The following DOCK7 variants were observed in gnomAD, a reference collection of about 807,000 sequenced individuals.
DOCK7 encodes dedicator of cytokinesis 7, also known as dedicator of cytokinesis protein 7.
DOCK7 carries 138 observed loss-of-function variants against 271.0 expected under a neutral mutation model. The ratio of observed to expected loss-of-function variants is 0.51; its 90% CI spans 0.44 to 0.59. The LOEUF is 0.59. Ranked by LOEUF, DOCK7 falls within the 20% of genes least tolerant of loss-of-function variation. The pLI is 0.00. For missense variants in DOCK7, 2,066 were observed against 2,592.4 expected (o/e 0.80, Z 4.41); for synonymous variants, 823 against 876.1 (o/e 0.94, Z 1.07).
intron 14 of DOCK7, among the ~76,000 whole-genome samples, chr1:62,588,548 T>C (rs1245848623): frequency 6.6e-6 from 1 of 152,194 alleles, no homozygotes; most frequent in African/African-American, 2.4e-5. Flanking sequence ...TCATTTGAGA[T>C]GTTCTTCTGT....
chr1:62,480,980 G>A (rs1646106012), intron 43 of DOCK7, among the ~76,000 whole-genome samples: 1 of 142,054 alleles, frequency 7.0e-6, no homozygotes, highest in Admixed American at 7.4e-5. Flanking sequence ...CTGCACTCCA[G>A]CCTGGGCGAC....
Position 62,648,200 on chromosome 1 carries a change from C to G in DOCK7, c.638G>C (p.Arg213Pro), listed in dbSNP as rs1408421974. The change falls in exon 6 of 50, where the codon CGA becomes CCA. Residue 213 changes from arginine (R) to proline (P), a missense_variant. Arg to Pro is a moderately radical substitution (Grantham distance 103, BLOSUM62 -2). Coordinates refer to ENST00000635253, the MANE Select transcript of DOCK7 (RefSeq NM_001367561.1). ...PDALLPNLLDRTPNEEIDRQN... is the reference protein window; with the variant it reads ...PDALLPNLLDPTPNEEIDRQN... ...ACGGTCTATTTCTTCATTTGGAGTT[C>G]GATCAAGTAAATTGGGAAGCAAAGC... 3 of 1,613,390 alleles carry G rather than the reference C, an allele frequency of 1.9e-6. No individual in the cohort carries two copies. The highest frequency in any genetic ancestry group is 2.5e-6 in the Non-Finnish European group (3 of 1,179,734).
intron 21 of DOCK7, chr1:62,555,391 ACT>A (rs2149431632): frequency 6.6e-6 from 1 of 152,668 alleles, no homozygotes; most frequent in East Asian, 1.9e-4. Flanking sequence ...ACAGGATCTC[ACT>A]CTGTTGCCCA....
intron 1 of DOCK7, among the ~76,000 whole-genome samples, chr1:62,681,832 T>C (rs1661203050): frequency 6.6e-6 from 1 of 152,070 alleles, no homozygotes; most frequent in Non-Finnish European, 1.5e-5. Flanking sequence ...AATTATAATT[T>C]TGTGCAAAGA....
intron 31 of DOCK7, among the ~76,000 whole-genome samples, chr1:62,521,997 T>A (rs1644867318): frequency 6.6e-6 from 1 of 151,600 alleles, no homozygotes. Flanking sequence ...TAAAATAAAA[T>A]AAAAATAAAT....
chr1:62,563,087 G>GT (rs1646383902), intron 18 of DOCK7, among the ~76,000 whole-genome samples: 1 of 152,154 alleles, frequency 6.6e-6, no homozygotes, highest in Admixed American at 6.6e-5. Flanking sequence ...ATGTGGAGCA[G>GT]TAACAAGGTG....
At chr1:62,499,384 A>G (rs2149309487) in intron 37 of DOCK7, among the ~76,000 whole-genome samples, 1 of 152,314 alleles carries the variant, frequency 6.6e-6, no homozygotes, top group Non-Finnish European at 1.5e-5. Context: ...GGGGGAATAG[A>G]AAAAACCCCA....
At position 62,551,351 on chromosome 1, in the gene DOCK7, C is replaced by CAA. The variant is rs34548756; in HGVS notation, c.2766+1379_2766+1380dup. Among the ~76,000 whole-genome samples the CAA allele has an allele frequency of 5.5e-3, 766 of 139,812 alleles. 7 individuals carry two copies. The highest frequency in any genetic ancestry group is 0.015 in the Middle Eastern group (4 of 268). The allele number at this position is 139,812 out of a possible 152,430, so 91.7% of individuals were successfully genotyped here. On this transcript the variant is annotated intron_variant, in intron 22 of 49. Transcript: ENST00000635253. ...ACATTAATGACAGCTGATGAACTTA[C>CAA]AAAAAAAAAAAAAAATCCCTGAACA...
At chr1:62,478,031 G>A (rs548111423) in intron 43 of DOCK7, 1 of 514,284 alleles carries the variant, frequency 1.9e-6, no homozygotes, top group Non-Finnish European at 3.2e-6. Flanking sequence ...ATGCAAATAG[G>A]GCTACTAACA....
intron 11 of DOCK7, among the ~76,000 whole-genome samples, chr1:62,626,837 C>T (rs1021409944): frequency 1.3e-5 from 2 of 152,074 alleles, no homozygotes; most frequent in Admixed American, 1.3e-4. Flanking sequence ...GAATACCAAT[C>T]CTTCAAAAAC....
At chr1:62,461,869 C>T (rs963018735) in intron 48 of DOCK7, among the ~76,000 whole-genome samples, 3 of 150,016 alleles carry the variant, frequency 2.0e-5, no homozygotes, top group East Asian at 2.0e-4. Flanking sequence ...GTCAGGAGTT[C>T]GAGACCAGCC....
intron 2 of DOCK7, among the ~76,000 whole-genome samples, chr1:62,658,319 T>G (rs1320702854): frequency 6.6e-6 from 1 of 151,816 alleles, no homozygotes; most frequent in Non-Finnish European, 1.5e-5. Context: ...CCAGGCATGG[T>G]GGCGGGCACC....
intron 14 of DOCK7, chr1:62,604,572 TACAGTA>T (rs1408382713): frequency 4.9e-5 from 74 of 1,511,772 alleles, no homozygotes; most frequent in Non-Finnish European, 6.3e-5. Context: ...TACGGGGAAA[TACAGTA>T]ACAGTAACTA....
Position 62,671,966 on chromosome 1 carries a change from CAA to C in DOCK7, c.39-8838_39-8837del, listed in dbSNP as rs11300118. Among the ~76,000 whole-genome samples the C allele has an allele frequency of 5.2e-4, 74 of 141,662 alleles. 1 individual carries two copies. The highest frequency in any genetic ancestry group is 3.6e-3 in the East Asian group (18 of 4,962). 92.9% of individuals were successfully genotyped at this position (141,662 alleles called of 152,430 possible). A position where few individuals can be genotyped will look rare whatever the true frequency, so the allele number is the denominator to read the frequency against. On this transcript the variant is annotated intron_variant, in intron 1 of 49. Coordinates refer to ENST00000635253, the MANE Select transcript of DOCK7 (RefSeq NM_001367561.1). ...GAAATAAGATTTTCCAAAATGAAGACAAAAAAAAAAAAACCTGATACAAGAAA... is the reference window on the plus strand; with the variant it reads ...GAAATAAGATTTTCCAAAATGAAGACAAAAAAAAAAACCTGATACAAGAAA...
In DOCK7 at chr1:62,652,331, T is replaced by C. The variant is rs1571908386; in HGVS notation, c.389+1394A>G. Among the ~76,000 whole-genome samples, 3 of 152,256 alleles carry C rather than the reference T, an allele frequency of 2.0e-5. No individual in the cohort carries two copies. In the South Asian group the frequency reaches 6.2e-4, roughly 32 times the overall value. The stretch of plus-strand genomic sequence containing the variant: ...TTCAGAGATACCTCATAACTTCTAG[T>C]TCACCAAAAGTACTCCCTTTGGTCT... On this transcript the variant is annotated intron_variant, in intron 4 of 49. Transcript: ENST00000635253.
intron 4 of DOCK7, among the ~76,000 whole-genome samples, chr1:62,652,190 C>T (rs151071295): frequency 6.6e-5 from 10 of 152,300 alleles, no homozygotes; most frequent in African/African-American, 1.9e-4. Flanking sequence ...TTTCCATTGC[C>T]TGCATTCACT....
At chr1:62,628,716 C>A (rs1654246117) in intron 11 of DOCK7, 1 of 152,026 alleles carries the variant, frequency 6.6e-6, no homozygotes. Flanking sequence ...AAATTTAAAA[C>A]TTCTGTGCTA....
chr1:62,540,071 A>C (rs1645477504), intron 25 of DOCK7, among the ~76,000 whole-genome samples, 179 bp from the exon 26 acceptor site: 1 of 152,152 alleles, frequency 6.6e-6, no homozygotes, highest in African/African-American at 2.4e-5. Context: ...TTAAAATAAA[A>C]TAAAAAAACC....
At chr1:62,588,138 C>T (rs568368503) in intron 14 of DOCK7, among the ~76,000 whole-genome samples, 16 of 152,236 alleles carry the variant, frequency 1.1e-4, no homozygotes, top group Non-Finnish European at 1.9e-4. Context: ...GTCTAAAAAA[C>T]TTAAGATCAA....
Sources: gnomAD v4.1 joint callset for allele counts (sites outside exome capture counted in the v4.1 genomes callset) on GRCh38, gnomAD v4.1.1 for gene constraint, MANE v1.5 for transcripts, NCBI Gene and HGNC (gene_info 2026-07-23, HGNC 2026-07-21) for gene names.